SLC18B1: variants seen among roughly 807,000 people sequenced by gnomAD.
The protein encoded by SLC18B1 is solute carrier family 18 member B1, also known as MFS-type transporter SLC18B1.
In SLC18B1, 62 loss-of-function variants were observed where a neutral mutation model predicts 53.9. The ratio of observed to expected loss-of-function variants is 1.15; its 90% CI spans 0.94 to 1.42. SLC18B1 has a LOEUF of 1.42. Ranked by LOEUF, SLC18B1 falls within the 40% of genes most tolerant of loss-of-function variation. SLC18B1 has a pLI of 0.00. For synonymous variants in SLC18B1, 217 were observed against 200.9 expected, an observed-to-expected ratio of 1.08 and a Z score of -0.68; for missense variants, 598 against 547.3, an observed-to-expected ratio of 1.09 and a Z score of -0.93.
chr6:132,779,454 C>T (rs781141208), intron 6 of SLC18B1, 50 bp from the exon 7 acceptor site: 5 of 1,556,800 alleles, frequency 3.2e-6, no homozygotes, highest in Non-Finnish European at 4.4e-6. Flanking sequence ...CAATTAAAAT[C>T]TCTTAATTTT....
rs1781301238 is a variant in SLC18B1, at chr6:132,783,930, T to TA, written c.658+2dup. 3 of 1,583,730 alleles carry TA rather than the reference T, an allele frequency of 1.9e-6. No homozygotes were observed. Among genetic ancestry groups the TA allele is most frequent in the Non-Finnish European group, 2.6e-6 (3 of 1,168,196 alleles). On this transcript the variant is annotated splice_region_variant and intron_variant, in intron 6 of 13. Transcript: ENST00000275227. ...TTAAAATGAGTAATAAGTGTGGACT[T>TA]ACCGTAATTGGGTAAAATATACATA...
intron 8 of SLC18B1, among the ~76,000 whole-genome samples, chr6:132,775,943 C>A (rs1781087799): frequency 6.6e-6 from 1 of 152,106 alleles, no homozygotes; most frequent in African/African-American, 2.4e-5. Context: ...GTGGCACATG[C>A]CTATAATCCC....
At chr6:132,792,098 C>T (rs7738569) in intron 2 of SLC18B1, among the ~76,000 whole-genome samples, 21,149 of 150,260 alleles carry the variant, frequency 0.14, 3,060 homozygotes, top group African/African-American at 0.37. Context: ...TGTGGTGGCA[C>T]GTGCCTGTAA....
In SLC18B1 at chr6:132,797,086, C is replaced by CG. The variant is rs1781713279; in HGVS notation, c.78dup (p.Gly27ArgfsTer37). ...AAAACCTGTTCTCTCGAAAGCCACC[C>CG]GGGGGTCTCTCCTGCACTTCCTGCA... On this transcript the variant is annotated frameshift_variant, in exon 2 of 14. Transcript: ENST00000275227. LOFTEE classifies it high-confidence loss of function. 4 of 1,614,090 alleles carry CG rather than the reference C, an allele frequency of 2.5e-6. No homozygotes were observed. The highest frequency in any genetic ancestry group is 3.4e-6 in the Non-Finnish European group (4 of 1,179,994).
chr6:132,775,268 C>T (rs779641438), intron 8 of SLC18B1, among the ~76,000 whole-genome samples: 20 of 152,162 alleles, frequency 1.3e-4, no homozygotes, highest in Non-Finnish European at 2.1e-4. Flanking sequence ...TTGGACATGT[C>T]GGTCTCCACA....
intron 2 of SLC18B1, among the ~76,000 whole-genome samples, chr6:132,794,102 T>A (rs564972321): frequency 1.7e-4 from 25 of 143,864 alleles, no homozygotes; most frequent in African/African-American, 5.1e-4. Context: ...ATTATTTTTT[T>A]TTTAATTTTT....
rs1277473493 is a variant in SLC18B1, at chr6:132,770,917, T to C, written c.1277A>G (p.Tyr426Cys). The change falls in exon 13 of 14, where the codon TAT (tyrosine) becomes TGT (cysteine). Residue 426 changes from tyrosine to cysteine, a missense_variant. Physicochemically the swap from Tyr to Cys is radical, Grantham distance 194. Coordinates refer to ENST00000275227, the MANE Select transcript of SLC18B1 (RefSeq NM_052831.3). ...TTTTCTCCTTGAATACTCCAGTAGA[T>C]AAAACAAGCCCATGGCTAATCCCTT... is the stretch of plus-strand genomic sequence containing the variant. ...LISGLAMGLF[Y>C]LLEYSRRKRS... 2 of 1,612,368 alleles carry C rather than the reference T, an allele frequency of 1.2e-6. No homozygotes were observed. The highest frequency in any genetic ancestry group is 2.2e-5 in the East Asian group (1 of 44,860).
In SLC18B1 at chr6:132,774,302, T is replaced by C. The variant is rs1781048487; in HGVS notation, c.909A>G (p.Lys303=). ...TTAAGTTGCCAAACACCAGAAGCCA[T>C]TTCCTTAGAGGCTGGTAAAGGAGAA... ...LLSDKRPPLR[K]WLLVFGNLIT... Residue 303 remains lysine (K), a synonymous_variant, in exon 9 of 14, where the codon AAA becomes AAG. Transcript: ENST00000275227. The C allele has an allele frequency of 6.2e-7, 1 of 1,612,584 alleles. No individual in the cohort carries two copies. Among genetic ancestry groups the C allele is most frequent in the Non-Finnish European group, 8.5e-7 (1 of 1,179,156 alleles).
intron 5 of SLC18B1, among the ~76,000 whole-genome samples, chr6:132,784,644 TA>T (rs1021818932): frequency 3.3e-5 from 5 of 151,580 alleles, no homozygotes; most frequent in African/African-American, 4.9e-5. Context: ...TGAACACCGG[TA>T]GGCAATTTGG....
Position 132,779,359 on chromosome 6 carries a change from G to A in SLC18B1, c.704C>T (p.Pro235Leu), listed in dbSNP as rs1464119210. 6.2e-7 allele frequency: 1 copy of A among 1,613,514 alleles called. No homozygotes were observed. The highest frequency in any genetic ancestry group is 8.5e-7 in the Non-Finnish European group (1 of 1,179,758). Reference protein sequence around the residue: ...EHSFWKLIALPKVGLIAFVIN... With the variant: ...EHSFWKLIALLKVGLIAFVIN... ...GACGAAGGCTATAAGGCCAACTTTG[G>A]GTAAAGCGATCAGTTTCCAGAATGA... The change falls in exon 7 of 14, where the codon CCC becomes CTC. Residue 235 changes from proline (P) to leucine (L), a missense_variant. Pro to Leu is a moderately conservative substitution (Grantham distance 98, BLOSUM62 -3). Coordinates refer to ENST00000275227, the MANE Select transcript of SLC18B1 (RefSeq NM_052831.3).
At chr6:132,772,744 A>T (rs1781008124) in intron 10 of SLC18B1, among the ~76,000 whole-genome samples, 1 of 152,206 alleles carries the variant, frequency 6.6e-6, no homozygotes, top group Non-Finnish European at 1.5e-5. Flanking sequence ...TTTCAAAATT[A>T]CTTACATACT....
intron 7 of SLC18B1, among the ~76,000 whole-genome samples, chr6:132,777,441 C>T (rs764493326): frequency 2.4e-4 from 37 of 152,084 alleles, no homozygotes; most frequent in Non-Finnish European, 1.3e-4. Flanking sequence ...GGGCCAGGTG[C>T]GGTGGCTCAC....
intron 2 of SLC18B1, among the ~76,000 whole-genome samples, chr6:132,792,240 A>AAAGGAAGAAAGG (rs1781545231): frequency 3.8e-4 from 3 of 7,928 alleles, no homozygotes; most frequent in African/African-American, 2.0e-3. Context: ...AGAAAGAAAG[A>AAAGGAAGAAAGG]AAGAAAGAAA....
chr6:132,776,911 C>T (rs1781113157), intron 7 of SLC18B1, among the ~76,000 whole-genome samples: 1 of 152,146 alleles, frequency 6.6e-6, no homozygotes, highest in Non-Finnish European at 1.5e-5. Context: ...CCACCAATAG[C>T]CCTGAGAGAG....
Position 132,772,181 on chromosome 6 carries a change from T to G in SLC18B1, c.1111A>C (p.Ser371Arg). 1 of 1,579,502 alleles carries G rather than the reference T, an allele frequency of 6.3e-7. No homozygotes were observed. ...AHENGFEEGL[S>R]TLGLVSGLFS... is the part of the protein sequence containing the mutation. Reference sequence around the variant, plus strand: ...AGACCTGATACAAGTCCCAATGTACTTAATCCCTCTTCAAACCCATTTTCA... The same window carrying G: ...AGACCTGATACAAGTCCCAATGTACGTAATCCCTCTTCAAACCCATTTTCA... The change falls in exon 11 of 14, where the codon AGT (serine) becomes CGT (arginine). Residue 371 changes from serine (S) to arginine (R), a missense_variant. Transcript: ENST00000275227.
chr6:132,789,656 G>T, intron 4 of SLC18B1, 108 bp downstream of exon 4: 1 of 787,248 alleles, frequency 1.3e-6, no homozygotes. Flanking sequence ...CTATGCATTT[G>T]ACAGACAATA....
intron 2 of SLC18B1, among the ~76,000 whole-genome samples, chr6:132,792,940 G>A (rs1258847281): frequency 1.3e-5 from 2 of 152,142 alleles, no homozygotes; most frequent in African/African-American, 4.8e-5. Flanking sequence ...CCAATATGGT[G>A]AAACCCCGTC....
intron 2 of SLC18B1, among the ~76,000 whole-genome samples, chr6:132,791,471 C>T (rs1781523484): frequency 6.6e-6 from 1 of 151,950 alleles, no homozygotes; most frequent in South Asian, 2.1e-4. Context: ...TTGTCTTTTT[C>T]AAGGATTTTT....
chr6:132,787,936 C>T (rs1004877572), intron 4 of SLC18B1, among the ~76,000 whole-genome samples: 3 of 151,770 alleles, frequency 2.0e-5, no homozygotes, highest in African/African-American at 7.3e-5. Flanking sequence ...CTGAGGCAGG[C>T]AAATCACGAA....
Sources: gnomAD v4.1 joint callset for allele counts (sites outside exome capture counted in the v4.1 genomes callset) on GRCh38, gnomAD v4.1.1 for gene constraint, MANE v1.5 for transcripts, NCBI Gene and HGNC (gene_info 2026-07-23, HGNC 2026-07-21) for gene names.